GCN1: variants seen among roughly 807,000 people sequenced by gnomAD.
GCN1 encodes the protein GCN1 activator of EIF2AK4, also known as stalled ribosome sensor GCN1.
A neutral mutation model predicts 288.4 loss-of-function variants in GCN1; 90 were observed. The observed-to-expected ratio is 0.31, with a 90% confidence interval of 0.26 to 0.37. The LOEUF is 0.37. Among genes scored for constraint, GCN1 ranks in the 10% least tolerant of loss-of-function variants. The pLI is 1.00. For missense variants in GCN1, 2,586 were observed against 3,419.9 expected (o/e 0.76, Z 6.08); for synonymous variants, 1,386 against 1,420.2 (o/e 0.98, Z 0.54).
intron 1 of GCN1, among the ~76,000 whole-genome samples, chr12:120,190,979 G>A (rs1286813487): frequency 1.3e-5 from 2 of 152,138 alleles, no homozygotes; most frequent in African/African-American, 4.8e-5. Flanking sequence ...TAGAAACTTA[G>A]TCAAATAATG....
At chr12:120,140,211 G>A (rs957348478) in intron 45 of GCN1, among the ~76,000 whole-genome samples, 4 of 152,124 alleles carry the variant, frequency 2.6e-5, no homozygotes, top group African/African-American at 4.8e-5. Flanking sequence ...CATTTCTAGC[G>A]GGCCATCCAC....
chr12:120,145,328 G>A lies in GCN1; in HGVS notation c.4950C>T (p.Asp1650=). The A allele has an allele frequency of 6.3e-7, 1 of 1,581,048 alleles. No homozygotes were observed. Among genetic ancestry groups the A allele is most frequent in the Non-Finnish European group, 8.6e-7 (1 of 1,164,086 alleles). Residue 1650 remains aspartate (D), a splice_region_variant and synonymous_variant, in exon 39 of 58, where the codon GAC becomes GAT. Transcript: ENST00000300648. The part of the protein sequence containing the change: ...GNMYSLTDQK[D]LAPYLPSVTP... ...TCACGCTGGGCAGGTACGGAGCCAAGTCCTGCAACAACACAGGAGGCGGCT... is the reference window on the plus strand; with the variant it reads ...TCACGCTGGGCAGGTACGGAGCCAAATCCTGCAACAACACAGGAGGCGGCT...
At chr12:120,169,450 G>GT (rs1300689195) in intron 15 of GCN1, among the ~76,000 whole-genome samples, 1 of 150,780 alleles carries the variant, frequency 6.6e-6, no homozygotes, top group Admixed American at 6.6e-5. Flanking sequence ...TATAGCGTAT[G>GT]TTCCCCAGCA....
At chr12:120,180,073 G>A (rs184203081) in intron 5 of GCN1, among the ~76,000 whole-genome samples, 134 of 152,294 alleles carry the variant, frequency 8.8e-4, no homozygotes, top group Non-Finnish European at 1.2e-3. Flanking sequence ...TTGGGAGGCC[G>A]AGGCAGGCAG....
At chr12:120,177,033 C>T (rs1436333256) in intron 9 of GCN1, among the ~76,000 whole-genome samples, 1 of 152,074 alleles carries the variant, frequency 6.6e-6, no homozygotes, top group Non-Finnish European at 1.5e-5. Flanking sequence ...CCCAAACTGC[C>T]GGGATTACAG....
Position 120,150,063 on chromosome 12 carries a change from G to C in GCN1, c.4310-20C>G. On this transcript the variant is annotated intron_variant, in intron 34 of 57. Transcript: ENST00000300648. ...GGGCTCCTAGGGGAAAAGAAGGTGG[G>C]ACGGCTGGGAAGAGAATGTCCCCTG... 6.2e-7 allele frequency: 1 copy of C among 1,613,082 alleles called. No homozygotes were observed. Among genetic ancestry groups the C allele is most frequent in the Non-Finnish European group, 8.5e-7 (1 of 1,179,754 alleles).
chr12:120,184,386 A>T, intron 3 of GCN1, 143 bp from the exon 4 acceptor site: 1 of 707,572 alleles, frequency 1.4e-6, no homozygotes, highest in Non-Finnish European at 2.3e-6. Flanking sequence ...GGATTAGGAA[A>T]TAACTAGATA....
chr12:120,160,265 A>G lies in GCN1; in HGVS notation c.2437-10T>C. The G allele has an allele frequency of 1.9e-6, 3 of 1,589,742 alleles. No homozygotes were observed. Among genetic ancestry groups the G allele is most frequent in the Non-Finnish European group, 2.6e-6 (3 of 1,160,206 alleles). On this transcript the variant is annotated splice_polypyrimidine_tract_variant and intron_variant, in intron 22 of 57. Transcript: ENST00000300648. ...TCTTCTTCTTTATCTCCTAAAGAGG[A>G]TGGGCAAACCAACCAATCCCATCTC...
intron 13 of GCN1, 42 bp downstream of exon 13, chr12:120,174,029 G>A (rs1566315529): frequency 8.0e-7 from 1 of 1,245,982 alleles, no homozygotes; most frequent in African/African-American, 1.5e-5. Context: ...CACGGTCAAG[G>A]ATGAGTACAG....
chr12:120,141,944 T>TC (rs1338788526), intron 44 of GCN1, among the ~76,000 whole-genome samples: 1 of 152,140 alleles, frequency 6.6e-6, no homozygotes, highest in Non-Finnish European at 1.5e-5. Context: ...CTAGACTACC[T>TC]CTCATGAGGA....
At chr12:120,162,209 G>A (rs1252746812) in intron 20 of GCN1, 151 bp from the exon 21 acceptor site, 1 of 636,744 alleles carries the variant, frequency 1.6e-6, no homozygotes, top group Non-Finnish European at 2.7e-6. Context: ...GCCGGCTGGA[G>A]TCTGCGTCTG....
chr12:120,153,815 T>G lies in GCN1; in HGVS notation c.3796A>C (p.Asn1266His), dbSNP rs1877650585. The change falls in exon 32 of 58, where the codon AAT becomes CAT. Residue 1266 changes from asparagine to histidine, a missense_variant. This residue lies in a region of GCN1 where 332 missense variants were observed against 403.0 expected (regional missense o/e 0.82). Transcript: ENST00000300648. This position sits in a 1 kb window ranked among gnomAD's most constrained non-coding sequence, Gnocchi z 4.4. ...TTCCGGACATCTGGGTGTCGGTCAT[T>G]GAGGGCATCAGGGACAAAAAACTGA... ...LFQFFVPDAL[N>H]DRHPDVRKCM... 1 of 1,614,080 alleles carries G rather than the reference T, an allele frequency of 6.2e-7. No individual in the cohort carries two copies. Among genetic ancestry groups the G allele is most frequent in the East Asian group, 2.2e-5 (1 of 44,874 alleles).
intron 21 of GCN1, 101 bp from the exon 22 acceptor site, chr12:120,161,684 C>T (rs1296162443): frequency 2.3e-5 from 23 of 978,930 alleles, no homozygotes; most frequent in Non-Finnish European, 9.7e-6. Flanking sequence ...AAGCACTGTG[C>T]ACCAGCACAG....
intron 11 of GCN1, among the ~76,000 whole-genome samples, 164 bp downstream of exon 11, chr12:120,175,582 G>A (rs562792130): frequency 2.3e-4 from 35 of 152,242 alleles, no homozygotes; most frequent in Admixed American, 1.0e-3. Flanking sequence ...CCCCGTGCAC[G>A]GTTTTGTTCA....
rs753889322 is a variant in GCN1, at chr12:120,150,039, G to A, written c.4314C>T (p.Ala1438=). Residue 1438 remains alanine, a synonymous_variant, in exon 35 of 58, where the codon GCC becomes GCT. Coordinates refer to ENST00000300648, the MANE Select transcript of GCN1 (RefSeq NM_006836.2). ...DKKNFRRREG[A]LFAFEMLCTM... is the part of the protein sequence containing the mutation. ...TGCAGAGCATCTCGAAGGCAAAGAG[G>A]GCTCCTAGGGGAAAAGAAGGTGGGA... 1.2e-5 allele frequency: 19 copies of A among 1,613,760 alleles called. No individual in the cohort carries two copies. The highest frequency in any genetic ancestry group is 1.5e-5 in the Non-Finnish European group (18 of 1,179,956).
At chr12:120,145,402 C>G in intron 38 of GCN1, 72 bp from the exon 39 acceptor site, 1 of 1,123,232 alleles carries the variant, frequency 8.9e-7, no homozygotes, top group South Asian at 1.7e-5. Flanking sequence ...CACTGTGGAC[C>G]CTGACCTCCC....
intron 11 of GCN1, 50 bp from the exon 12 acceptor site, chr12:120,175,262 AAG>A: frequency 6.0e-6 from 9 of 1,500,336 alleles, no homozygotes; most frequent in Non-Finnish European, 8.4e-6. Context: ...CACATTTCCC[AAG>A]AGAGTGAACA....
intron 16 of GCN1, among the ~76,000 whole-genome samples, chr12:120,166,736 C>T (rs1030179038): frequency 1.3e-5 from 2 of 150,404 alleles, no homozygotes; most frequent in Non-Finnish European, 3.0e-5. Context: ...TAAGGCCAGG[C>T]ACGATGGCTC....
rs1409276653 is a variant in GCN1, at chr12:120,159,942, G to T, written c.2632C>A (p.Pro878Thr). The change falls in exon 24 of 58, where the codon CCT (proline) becomes ACT (threonine). Residue 878 changes from proline to threonine, a missense_variant. Transcript: ENST00000300648. ...GGCAGAAAAGAGTCGACCAAAACAG[G>T]GATGTACTGGGTCAGGCCGGACGGG... ...KNPSGLTQYI[P>T]VLVDSFLPLL... The T allele has an allele frequency of 8.1e-6, 13 of 1,613,968 alleles. No individual in the cohort carries two copies. Among genetic ancestry groups the T allele is most frequent in the African/African-American group, 1.3e-5 (1 of 74,926 alleles).
Sources: gnomAD v4.1 joint callset for allele counts (sites outside exome capture counted in the v4.1 genomes callset) on GRCh38, gnomAD v4.1.1 for gene constraint, gnomAD v4.1.1 regional missense constraint, Gnocchi (gnomAD v3.1) non-coding constraint, MANE v1.5 for transcripts, NCBI Gene and HGNC (gene_info 2026-07-23, HGNC 2026-07-21) for gene names.